Variants in STIM2 observed in about 807,000 individuals in gnomAD.
STIM2 encodes the protein stromal interaction molecule 2.
A neutral mutation model predicts 85.8 loss-of-function variants in STIM2; 31 were observed. The ratio of observed to expected loss-of-function variants is 0.36; its 90% CI spans 0.27 to 0.49. STIM2 has a LOEUF of 0.49. Among genes scored for constraint, STIM2 ranks in the 20% least tolerant of loss-of-function variants. The probability of loss-of-function intolerance (pLI) is 0.98; values close to 1 mark genes in which losing one functional copy is unlikely to be tolerated. For synonymous variants in STIM2, 356 were observed against 331.1 expected (o/e 1.08, Z -0.82); for missense variants, 841 against 927.6 (o/e 0.91, Z 1.21).
In STIM2 at chr4:26,999,240, T is replaced by A; in HGVS notation, c.518T>A (p.Val173Glu). The A allele has an allele frequency of 6.2e-7, 1 of 1,600,952 alleles. No homozygotes were observed. Among genetic ancestry groups the A allele is most frequent in the Non-Finnish European group, 8.5e-7 (1 of 1,171,944 alleles). ...GTTTTTCAAATAAACAGGATAGCAG[T>A]GCACGAACCTTCATTTATGATCTCC... Residue 173 changes from valine to glutamate, a missense_variant, in exon 5 of 12, where the codon GTG becomes GAG. Coordinates refer to ENST00000467087, the MANE Select transcript of STIM2 (RefSeq NM_020860.4).
At chr4:26,988,736 T>C (rs1043221816) in intron 3 of STIM2, among the ~76,000 whole-genome samples, 6 of 152,210 alleles carry the variant, frequency 3.9e-5, no homozygotes, top group African/African-American at 1.4e-4. Context: ...TTTGAAATAA[T>C]GTTTGCAAAT....
intron 6 of STIM2, among the ~76,000 whole-genome samples, chr4:27,002,600 G>C (rs971918620): frequency 2.0e-5 from 3 of 152,164 alleles, no homozygotes; most frequent in African/African-American, 7.2e-5. Flanking sequence ...ATGAGTAGAA[G>C]AACAGTGGAG....
chr4:27,008,883 C>T lies in STIM2; in HGVS notation c.1370C>T (p.Ser457Phe). ...TCAGGACTCCCCAGCCTGACCTCTT[C>T]CCTTTATTCTGATCACAGCTGGGTG... Residue 457 changes from serine to phenylalanine, a missense_variant, in exon 10 of 12, where the codon TCC becomes TTC. Coordinates refer to ENST00000467087, the MANE Select transcript of STIM2 (RefSeq NM_020860.4). The T allele has an allele frequency of 1.2e-6, 2 of 1,614,152 alleles. No individual in the cohort carries two copies. The highest frequency in any genetic ancestry group is 1.7e-6 in the Non-Finnish European group (2 of 1,180,016).
intron 3 of STIM2, among the ~76,000 whole-genome samples, chr4:26,987,361 A>G (rs1297633424): frequency 6.6e-6 from 1 of 152,224 alleles, no homozygotes; most frequent in East Asian, 1.9e-4. Context: ...GTGCAGAATC[A>G]GGAACCTCAT....
intron 2 of STIM2, among the ~76,000 whole-genome samples, chr4:26,923,625 G>T (rs1175101314): frequency 8.2e-6 from 1 of 121,590 alleles, no homozygotes; most frequent in African/African-American, 3.2e-5. Context: ...CAACTAATGA[G>T]CAAAATCACC....
chr4:26,910,690 T>C (rs1290071238), intron 1 of STIM2, among the ~76,000 whole-genome samples: 1 of 151,538 alleles, frequency 6.6e-6, no homozygotes, highest in Non-Finnish European at 1.5e-5. Context: ...GTAGATACTT[T>C]TTGGATAGAG....
chr4:26,966,191 G>A (rs116818095), intron 3 of STIM2, among the ~76,000 whole-genome samples: 2,570 of 152,182 alleles, frequency 0.017, 36 homozygotes, highest in Non-Finnish European at 0.027. Context: ...GGACTATCTA[G>A]GAAACAGTAG....
intron 3 of STIM2, among the ~76,000 whole-genome samples, chr4:26,972,379 G>T (rs1459687866): frequency 6.6e-6 from 1 of 152,134 alleles, no homozygotes; most frequent in African/African-American, 2.4e-5. Context: ...CTGTGGGTTT[G>T]TCATAAATAG....
chr4:26,928,990 CTG>C (rs1482357363), intron 2 of STIM2, among the ~76,000 whole-genome samples: 1 of 152,144 alleles, frequency 6.6e-6, no homozygotes, highest in African/African-American at 2.4e-5. Context: ...TAGAAATCCA[CTG>C]TCCAGTGTGG....
chr4:27,004,588 G>T (rs977115945), intron 7 of STIM2, among the ~76,000 whole-genome samples: 5 of 152,120 alleles, frequency 3.3e-5, no homozygotes, highest in Non-Finnish European at 7.4e-5. Flanking sequence ...CTTCACAGGT[G>T]CCTGCCTCAC....
intron 2 of STIM2, among the ~76,000 whole-genome samples, chr4:26,928,536 T>G (rs1469596139): frequency 1.3e-5 from 2 of 152,190 alleles, no homozygotes; most frequent in African/African-American, 4.8e-5. Flanking sequence ...TTTTTAATTT[T>G]TAATTTTTTT....
intron 1 of STIM2, among the ~76,000 whole-genome samples, chr4:26,912,427 A>C (rs1369878178): frequency 6.6e-6 from 1 of 152,180 alleles, no homozygotes; most frequent in Non-Finnish European, 1.5e-5. Flanking sequence ...TTTCTTTCTT[A>C]AGCTCTTAAT....
Position 27,017,984 on chromosome 4 carries a change from G to A in STIM2, c.1763G>A (p.Trp588Ter), listed in dbSNP as rs1728792539. Residue 588 changes from tryptophan to a stop codon, truncating the protein, a stop_gained and splice_region_variant, in exon 11 of 12, where the codon TGG becomes TAG. Coordinates refer to ENST00000467087, the MANE Select transcript of STIM2 (RefSeq NM_020860.4). LOFTEE classifies it high-confidence loss of function. Reference sequence around the variant, plus strand: ...ATTTACTTCTCTGCTGAAAAGCAATGGTATTGGCAGTGAATAATCTACAGG... The same window carrying A: ...ATTTACTTCTCTGCTGAAAAGCAATAGTATTGGCAGTGAATAATCTACAGG... 1 of 1,614,030 alleles carries A rather than the reference G, an allele frequency of 6.2e-7. No individual in the cohort carries two copies. Among genetic ancestry groups the A allele is most frequent in the Non-Finnish European group, 8.5e-7 (1 of 1,179,944 alleles).
At chr4:26,888,535 GCT>G (rs1259232665) in intron 1 of STIM2, among the ~76,000 whole-genome samples, 2 of 152,154 alleles carry the variant, frequency 1.3e-5, no homozygotes, top group African/African-American at 4.8e-5. Context: ...GTTTTCTGTG[GCT>G]GGTCACATGG....
intron 1 of STIM2, among the ~76,000 whole-genome samples, chr4:26,899,111 A>G (rs541418907): frequency 1.2e-4 from 19 of 152,004 alleles, no homozygotes; most frequent in Non-Finnish European, 1.9e-4. Context: ...AGATTAAGGT[A>G]TTCCCTTATA....
intron 1 of STIM2, among the ~76,000 whole-genome samples, chr4:26,877,428 A>C (rs986790898): frequency 6.6e-6 from 1 of 151,486 alleles, no homozygotes; most frequent in Non-Finnish European, 1.5e-5. Flanking sequence ...TTTATGAATC[A>C]TAGTTATTTT....
In STIM2 at chr4:26,861,389, C is replaced by G. The variant is rs1722181738; in HGVS notation, c.151+20C>G. 7.8e-7 allele frequency: 1 copy of G among 1,283,568 alleles called. No individual in the cohort carries two copies. The highest frequency in any genetic ancestry group is 9.8e-7 in the Non-Finnish European group (1 of 1,019,188). The allele number at this position is 1,283,568 out of a possible 1,614,324, so 79.5% of individuals were successfully genotyped here. On this transcript the variant is annotated intron_variant, in intron 1 of 11. Transcript: ENST00000467087. The stretch of plus-strand genomic sequence containing the variant: ...TGACAGGTGAGGGGCCGGGGGGCGG[C>G]GGGCGGGGCTCGGCCGGCAGCGATG...
intron 2 of STIM2, 83 bp downstream of exon 2, chr4:26,919,717 C>T: frequency 6.7e-7 from 1 of 1,490,890 alleles, no homozygotes; most frequent in South Asian, 1.3e-5. Flanking sequence ...TTTCTCTTTC[C>T]TCATGTGGCT....
intron 10 of STIM2, among the ~76,000 whole-genome samples, chr4:27,016,519 T>G (rs1728738434): frequency 6.6e-6 from 1 of 152,222 alleles, no homozygotes; most frequent in East Asian, 1.9e-4. Flanking sequence ...TACAGTTTCA[T>G]AGACCCTCTG....
Sources: gnomAD v4.1 joint callset for allele counts (sites outside exome capture counted in the v4.1 genomes callset) on GRCh38, gnomAD v4.1.1 for gene constraint, MANE v1.5 for transcripts, NCBI Gene and HGNC (gene_info 2026-07-23, HGNC 2026-07-21) for gene names.